The following CCDC73 variants were observed in gnomAD, a reference collection of about 807,000 sequenced individuals.
The protein encoded by CCDC73 is coiled-coil domain-containing protein 73.
In CCDC73, 95 loss-of-function variants were observed where a neutral mutation model predicts 116.5. The observed-to-expected ratio is 0.82, with a 90% confidence interval of 0.69 to 0.97. The LOEUF is 0.97. Among genes scored for constraint, CCDC73 ranks in the 50% least tolerant of loss-of-function variants. The pLI, the probability that CCDC73 is intolerant of heterozygous loss-of-function variation, is 0.00. For missense variants in CCDC73, 1,066 were observed against 1,206.8 expected (o/e 0.88, Z 1.73); for synonymous variants, 398 against 401.3 (o/e 0.99, Z 0.10).
At chr11:32,728,152 G>A (rs535660787) in intron 2 of CCDC73, among the ~76,000 whole-genome samples, 1 of 152,180 alleles carries the variant, frequency 6.6e-6, no homozygotes, top group East Asian at 1.9e-4. Flanking sequence ...TCAGGAGGCT[G>A]AGGTAGGAGG....
intron 2 of CCDC73, among the ~76,000 whole-genome samples, chr11:32,735,332 C>G (rs963680957): frequency 6.6e-6 from 1 of 152,174 alleles, no homozygotes; most frequent in Non-Finnish European, 1.5e-5. Flanking sequence ...TCTCAGGATA[C>G]AAAATCAATG....
intron 13 of CCDC73, among the ~76,000 whole-genome samples, chr11:32,637,617 C>A (rs1179619394): frequency 1.3e-5 from 2 of 151,638 alleles, no homozygotes; most frequent in Non-Finnish European, 2.9e-5. Context: ...CACACACATA[C>A]ACATACACAC....
chr11:32,770,014 C>T (rs546652089), intron 1 of CCDC73, among the ~76,000 whole-genome samples: 4 of 152,210 alleles, frequency 2.6e-5, no homozygotes, highest in Non-Finnish European at 5.9e-5. Context: ...TAACAAACCA[C>T]CCAAAACTTA....
intron 14 of CCDC73, among the ~76,000 whole-genome samples, chr11:32,629,746 C>T (rs953055371): frequency 7.2e-6 from 1 of 138,986 alleles, no homozygotes; most frequent in Non-Finnish European, 1.5e-5. Flanking sequence ...TTGTCATAGA[C>T]CTCTTGCCAG....
intron 2 of CCDC73, among the ~76,000 whole-genome samples, chr11:32,759,562 C>T (rs942485656): frequency 2.0e-5 from 3 of 151,994 alleles, no homozygotes; most frequent in African/African-American, 7.3e-5. Context: ...GAACTCCTGG[C>T]CTCAAGTGAT....
chr11:32,697,188 T>A (rs1856318964), intron 6 of CCDC73, among the ~76,000 whole-genome samples: 1 of 64,640 alleles, frequency 1.5e-5, no homozygotes, highest in Admixed American at 1.8e-4. Flanking sequence ...TACATACACA[T>A]ACTTTTTGTT....
intron 13 of CCDC73, among the ~76,000 whole-genome samples, chr11:32,640,202 T>A (rs1339200945): frequency 6.6e-6 from 1 of 152,340 alleles, no homozygotes; most frequent in East Asian, 1.9e-4. Context: ...TTCTGTTGAG[T>A]ACCAAATCAT....
intron 9 of CCDC73, among the ~76,000 whole-genome samples, chr11:32,657,873 G>A (rs1855888145): frequency 6.6e-6 from 1 of 151,976 alleles, no homozygotes; most frequent in Admixed American, 6.6e-5. Flanking sequence ...GATGGTGTAT[G>A]CCTCTGGTCC....
chr11:32,732,267 G>A (rs190912760), intron 2 of CCDC73, among the ~76,000 whole-genome samples: 13 of 152,294 alleles, frequency 8.5e-5, no homozygotes, highest in South Asian at 2.1e-4. Flanking sequence ...ATGGGACTAC[G>A]TGAAAAGACC....
At chr11:32,622,645 A>T (rs1855532772) in intron 14 of CCDC73, among the ~76,000 whole-genome samples, 1 of 143,084 alleles carries the variant, frequency 7.0e-6, no homozygotes, top group Non-Finnish European at 1.5e-5. Context: ...CACATTCTCC[A>T]CATGTATCAT....
At chr11:32,611,876 T>C (rs924140787) in intron 16 of CCDC73, among the ~76,000 whole-genome samples, 5 of 152,234 alleles carry the variant, frequency 3.3e-5, no homozygotes, top group Admixed American at 2.0e-4. Flanking sequence ...TTGTATCTTA[T>C]ATATCACTGA....
Position 32,699,249 on chromosome 11 carries a change from A to G in CCDC73, c.390+2T>C. The G allele has an allele frequency of 2.5e-6, 4 of 1,577,814 alleles. No individual in the cohort carries two copies. Among genetic ancestry groups the G allele is most frequent in the Non-Finnish European group, 3.5e-6 (4 of 1,158,490 alleles). On this transcript the variant is annotated splice_donor_variant, in intron 6 of 17. Coordinates refer to ENST00000335185, the MANE Select transcript of CCDC73 (RefSeq NM_001008391.4). LOFTEE classifies it high-confidence loss of function. Reference sequence around the variant, plus strand: ...TTTTAAACAATACGTAGTTATTTTTACCTGTAGTGCTTTTAATGTTTCCTT... The same window carrying G: ...TTTTAAACAATACGTAGTTATTTTTGCCTGTAGTGCTTTTAATGTTTCCTT...
chr11:32,826,777 C>G, the CCDC73 span, among the ~76,000 whole-genome samples: 1 of 152,034 alleles, frequency 6.6e-6, no homozygotes, highest in Non-Finnish European at 1.5e-5. Context: ...AGCCCAACTC[C>G]ACAGATAGCC....
At chr11:32,738,022 G>C (rs1221334198) in intron 2 of CCDC73, among the ~76,000 whole-genome samples, 1 of 152,146 alleles carries the variant, frequency 6.6e-6, no homozygotes, top group African/African-American at 2.4e-5. Flanking sequence ...CAAGTAATAA[G>C]ATCTCATTCT....
At chr11:32,816,330 A>G in the CCDC73 span, among the ~76,000 whole-genome samples, 1 of 152,230 alleles carries the variant, frequency 6.6e-6, no homozygotes, top group Non-Finnish European at 1.5e-5. Context: ...TGAGAGCTCA[A>G]CAAGTTTTAG....
chr11:32,766,218 C>T (rs1850440337), intron 1 of CCDC73, among the ~76,000 whole-genome samples: 1 of 152,276 alleles, frequency 6.6e-6, no homozygotes, highest in Non-Finnish European at 1.5e-5. Flanking sequence ...ACATGATTAT[C>T]TCAATAGATG....
the CCDC73 span, among the ~76,000 whole-genome samples, chr11:32,812,197 C>A: frequency 6.6e-6 from 1 of 152,100 alleles, no homozygotes; most frequent in Non-Finnish European, 1.5e-5. Context: ...TTTTTCATTT[C>A]TTCTCATCAA....
intron 14 of CCDC73, among the ~76,000 whole-genome samples, chr11:32,622,684 AAAAG>A (rs1472786310): frequency 6.6e-6 from 1 of 151,000 alleles, no homozygotes; most frequent in Non-Finnish European, 1.5e-5. Flanking sequence ...AAAAAAAAAA[AAAAG>A]AAAGAATGAA....
chr11:32,641,104 A>T (rs1855729235), intron 13 of CCDC73, among the ~76,000 whole-genome samples: 1 of 152,210 alleles, frequency 6.6e-6, no homozygotes, highest in South Asian at 2.1e-4. Context: ...AATTTGAATC[A>T]AACAAAATAA....
Sources: allele counts gnomAD v4.1 joint callset (sites outside exome capture counted in the v4.1 genomes callset), GRCh38; gene constraint gnomAD v4.1.1; transcripts MANE v1.5; gene names NCBI Gene and HGNC (gene_info 2026-07-23, HGNC 2026-07-21).